The following PTPRM variants were observed in gnomAD, a reference collection of about 807,000 sequenced individuals.
The protein encoded by PTPRM is protein tyrosine phosphatase receptor type M.
PTPRM carries 47 observed loss-of-function variants against 186.7 expected under a neutral mutation model. That is an observed-to-expected ratio of 0.25 (90% confidence interval 0.20 to 0.32). The LOEUF is 0.32. Ranked by LOEUF, PTPRM falls within the 10% of genes least tolerant of loss-of-function variation. The pLI, the probability that PTPRM is intolerant of heterozygous loss-of-function variation, is 1.00. For synonymous variants in PTPRM, 668 were observed against 674.9 expected, an observed-to-expected ratio of 0.99 and a Z score of 0.16; for missense variants, 1,494 against 1,865.0, an observed-to-expected ratio of 0.80 and a Z score of 3.66.
In PTPRM at chr18:8,081,584, TG is replaced by T. The variant is rs546836862; in HGVS notation, c.1552-4084del. Among the ~76,000 whole-genome samples, 290 of 152,290 alleles carry T rather than the reference TG, an allele frequency of 1.9e-3. 1 individual carries two copies. The highest frequency in any genetic ancestry group is 3.4e-3 in the Middle Eastern group (1 of 294). Reference sequence around the variant, plus strand: ...CCATATGGACATTTGAGTTTGAGCATGGGAGTATATTTTGGTGCCCTTTAGA... The same window carrying T: ...CCATATGGACATTTGAGTTTGAGCATGGAGTATATTTTGGTGCCCTTTAGA... On this transcript the variant is annotated intron_variant, in intron 9 of 32. Coordinates refer to ENST00000580170, the MANE Select transcript of PTPRM (RefSeq NM_001105244.2).
rs73383880 is a variant in PTPRM, at chr18:8,004,642, A to G, written c.1132+49228A>G. On this transcript the variant is annotated intron_variant, in intron 7 of 32. Coordinates refer to ENST00000580170, the MANE Select transcript of PTPRM (RefSeq NM_001105244.2). ...GCCGATGGCATCAGGAAAGGGAGCA[A>G]TGTTTCAACAGCTATTAGGCTGGTG... 5.7e-3 allele frequency among the ~76,000 whole-genome samples: 861 copies of G among 152,152 alleles called. 9 individuals carry two copies. Among genetic ancestry groups the G allele is most frequent in the African/African-American group, 0.02 (823 of 41,540 alleles).
intron 23 of PTPRM, among the ~76,000 whole-genome samples, chr18:8,354,696 A>G (rs1416480282): frequency 2.0e-5 from 3 of 152,232 alleles, no homozygotes; most frequent in Non-Finnish European, 2.9e-5. Flanking sequence ...GTCCAGTTCC[A>G]AAGCCCATGC....
At chr18:7,964,168 G>A (rs1459001012) in intron 7 of PTPRM, among the ~76,000 whole-genome samples, 2 of 152,082 alleles carry the variant, frequency 1.3e-5, no homozygotes, top group Admixed American at 6.5e-5. Context: ...ACTACACTGG[G>A]GTCCTATGCA....
At chr18:8,291,507 T>G (rs1336270778) in intron 19 of PTPRM, among the ~76,000 whole-genome samples, 2 of 152,242 alleles carry the variant, frequency 1.3e-5, no homozygotes, top group African/African-American at 4.8e-5. Flanking sequence ...TGGTGATTAC[T>G]TCCCAAGAAT....
intron 1 of PTPRM, among the ~76,000 whole-genome samples, chr18:7,616,432 A>G (rs987922803): frequency 9.9e-5 from 15 of 152,102 alleles, no homozygotes; most frequent in African/African-American, 3.6e-4. Flanking sequence ...GTGCACCCAA[A>G]CGTGGTGTTT....
At chr18:7,610,226 G>A (rs967219535) in intron 1 of PTPRM, among the ~76,000 whole-genome samples, 1 of 152,122 alleles carries the variant, frequency 6.6e-6, no homozygotes, top group African/African-American at 2.4e-5. Flanking sequence ...AGGAATTGCT[G>A]GGTTTTGCAC....
At chr18:8,072,926 C>T (rs1191742698) in intron 8 of PTPRM, among the ~76,000 whole-genome samples, 11 of 152,066 alleles carry the variant, frequency 7.2e-5, no homozygotes. Flanking sequence ...TTTTAATTTA[C>T]ATTGTCTTTC....
intron 14 of PTPRM, among the ~76,000 whole-genome samples, chr18:8,219,558 G>A (rs1447874196): frequency 6.6e-6 from 1 of 152,170 alleles, no homozygotes; most frequent in Admixed American, 6.5e-5. Flanking sequence ...AAGAGAGTCA[G>A]ATTACAGTTT....
intron 1 of PTPRM, among the ~76,000 whole-genome samples, chr18:7,592,539 G>A (rs180724923): frequency 3.9e-5 from 6 of 152,306 alleles, no homozygotes; most frequent in Admixed American, 3.3e-4. Flanking sequence ...AATCACTCCT[G>A]TCTCCTGACG....
chr18:8,406,182 A>G lies in PTPRM; in HGVS notation c.*20A>G. 1.2e-6 allele frequency: 2 copies of G among 1,610,906 alleles called. No individual in the cohort carries two copies. The highest frequency in any genetic ancestry group is 2.2e-5 in the East Asian group (1 of 44,856). ...GGCTGATGGTGTAAACAGCTCTGCA[A>G]ACAATCCCTTTCATACCACAAAGCC... is the stretch of plus-strand genomic sequence containing the variant. On this transcript the variant is annotated 3_prime_UTR_variant, in exon 33 of 33. Coordinates refer to ENST00000580170, the MANE Select transcript of PTPRM (RefSeq NM_001105244.2).
At chr18:7,886,830 C>A (rs1016866858) in intron 2 of PTPRM, among the ~76,000 whole-genome samples, 3 of 152,160 alleles carry the variant, frequency 2.0e-5, no homozygotes, top group Non-Finnish European at 4.4e-5. Context: ...ACCTCTTAAT[C>A]GGTGAAGGAT....
At position 7,723,788 on chromosome 18, in the gene PTPRM, C is replaced by T. The variant is rs188591065; in HGVS notation, c.74-50361C>T. ...AGACCCTGTCCCCTGGGGGCGCGGGCTGGGAGAGCACCCTTTTTGTCTGCC... is the reference window on the plus strand; with the variant it reads ...AGACCCTGTCCCCTGGGGGCGCGGGTTGGGAGAGCACCCTTTTTGTCTGCC... On this transcript the variant is annotated intron_variant, in intron 1 of 32. Coordinates refer to ENST00000580170, the MANE Select transcript of PTPRM (RefSeq NM_001105244.2). Among the ~76,000 whole-genome samples, 9 of 152,284 alleles carry T rather than the reference C, an allele frequency of 5.9e-5. No homozygotes were observed. In the East Asian group the frequency reaches 1.5e-3, roughly 26 times the overall value.
At chr18:7,790,104 C>G (rs2043269489) in intron 2 of PTPRM, among the ~76,000 whole-genome samples, 1 of 152,138 alleles carries the variant, frequency 6.6e-6, no homozygotes, top group Non-Finnish European at 1.5e-5. Context: ...TGCTTGACTT[C>G]TAGTTAAGAT....
chr18:8,376,591 A>C lies in PTPRM; in HGVS notation c.3456A>C (p.Gln1152His). 6.2e-7 allele frequency: 1 copy of C among 1,612,626 alleles called. No individual in the cohort carries two copies. The highest frequency in any genetic ancestry group is 8.5e-7 in the Non-Finnish European group (1 of 1,179,580). The change falls in exon 26 of 33, where the codon CAA becomes CAC. Residue 1152 changes from glutamine to histidine, a missense_variant. Gln to His is a conservative substitution (Grantham distance 24). Around this residue, in one of 3 missense-constraint regions of PTPRM, gnomAD observed 1,107 missense variants for 1,350.2 expected, o/e 0.82. Transcript: ENST00000580170. ...GGTCACGGAGGGTGAACATGGTGCA[A>C]ACAGAGGTACTCCCGCTCATCACCT... ...ELRSRRVNMV[Q>H]TEEQYVFIHD...
chr18:8,168,256 C>T (rs1034381238), intron 14 of PTPRM, among the ~76,000 whole-genome samples: 1 of 152,116 alleles, frequency 6.6e-6, no homozygotes, highest in Non-Finnish European at 1.5e-5. Flanking sequence ...CATTTTTAAT[C>T]ACAGCTAATC....
chr18:8,352,587 G>A (rs573020184), intron 23 of PTPRM, among the ~76,000 whole-genome samples: 1 of 148,008 alleles, frequency 6.8e-6, no homozygotes, highest in African/African-American at 2.5e-5. Context: ...GCCTCCAGCT[G>A]TACCCATGTT....
intron 20 of PTPRM, among the ~76,000 whole-genome samples, chr18:8,312,780 ACCT>A (rs1288990450): frequency 2.6e-5 from 4 of 152,084 alleles, no homozygotes; most frequent in Non-Finnish European, 5.9e-5. Context: ...GGAAGACATG[ACCT>A]CCTCTCAGCT....
intron 1 of PTPRM, among the ~76,000 whole-genome samples, chr18:7,772,321 C>T (rs2042314629): frequency 7.0e-6 from 1 of 143,056 alleles, no homozygotes; most frequent in Non-Finnish European, 1.5e-5. Flanking sequence ...TCCTTCCTCC[C>T]TTCGTTCTTT....
At chr18:7,642,411 C>T (rs1465786521) in intron 1 of PTPRM, among the ~76,000 whole-genome samples, 1 of 152,058 alleles carries the variant, frequency 6.6e-6, no homozygotes, top group African/African-American at 2.4e-5. Context: ...ATCCTAAATT[C>T]CGTGGAGTTT....
Sources: gnomAD v4.1 joint callset for allele counts (sites outside exome capture counted in the v4.1 genomes callset) on GRCh38, gnomAD v4.1.1 for gene constraint, gnomAD v4.1.1 regional missense constraint, MANE v1.5 for transcripts, NCBI Gene and HGNC (gene_info 2026-07-23, HGNC 2026-07-21) for gene names.